The following NUP205 variants were observed in gnomAD, a reference collection of about 807,000 sequenced individuals.
NUP205 encodes the protein nuclear pore complex protein Nup205.
NUP205 carries 76 observed loss-of-function variants against 253.8 expected under a neutral mutation model. That is an observed-to-expected ratio of 0.30 (90% CI 0.25 to 0.36). The LOEUF (loss-of-function observed/expected upper bound fraction) is 0.36. Among genes scored for constraint, NUP205 ranks in the 10% least tolerant of loss-of-function variants. The pLI, the probability that NUP205 is intolerant of heterozygous loss-of-function variation, is 1.00. For missense variants in NUP205, 2,162 were observed against 2,425.5 expected (o/e 0.89, Z 2.28); for synonymous variants, 832 against 850.1 (o/e 0.98, Z 0.37).
chr7:135,631,841 C>A (rs112515975), intron 35 of NUP205, among the ~76,000 whole-genome samples: 2,156 of 151,940 alleles, frequency 0.014, 46 homozygotes, highest in African/African-American at 0.049. Flanking sequence ...GCTCCGCCTC[C>A]CCGATTCACG....
intron 1 of NUP205, among the ~76,000 whole-genome samples, chr7:135,563,745 G>T (rs1302206845): frequency 1.3e-5 from 2 of 152,044 alleles, no homozygotes; most frequent in East Asian, 3.9e-4. Flanking sequence ...AGCACTTTAG[G>T]AGGCTGAGGA....
intron 7 of NUP205, among the ~76,000 whole-genome samples, chr7:135,582,026 C>T (rs1204439579): frequency 6.6e-6 from 1 of 152,118 alleles, no homozygotes; most frequent in Admixed American, 6.5e-5. Context: ...TGGCTCATGC[C>T]TGTAATGTCA....
intron 25 of NUP205, 48 bp downstream of exon 25, chr7:135,616,774 A>T (rs1388366065): frequency 7.3e-6 from 3 of 412,796 alleles, no homozygotes; most frequent in South Asian, 4.9e-5. Context: ...GACATATATT[A>T]AAAAAAAAAA....
At chr7:135,612,703 C>CA (rs1381918118) in intron 22 of NUP205, among the ~76,000 whole-genome samples, 1 of 152,072 alleles carries the variant, frequency 6.6e-6, no homozygotes, top group African/African-American at 2.4e-5. Context: ...GGAAGCACTG[C>CA]AAGTATTGAT....
At chr7:135,598,613 T>A (rs1477761445) in intron 15 of NUP205, among the ~76,000 whole-genome samples, 1 of 152,212 alleles carries the variant, frequency 6.6e-6, no homozygotes. Context: ...GAGTACTGGT[T>A]TAGCGGGAAG....
chr7:135,645,954 A>G (rs1794999862), intron 41 of NUP205: 2 of 593,284 alleles, frequency 3.4e-6, no homozygotes, highest in Non-Finnish European at 6.0e-6. Context: ...GGTGGAAGGA[A>G]ATAGAGAAAA....
chr7:135,557,985 A>C lies in NUP205; in HGVS notation c.28+13A>C, dbSNP rs977299283. 4.4e-6 allele frequency: 7 copies of C among 1,608,878 alleles called. No homozygotes were observed. The highest frequency in any genetic ancestry group is 6.0e-6 in the Non-Finnish European group (7 of 1,175,268). Reference sequence around the variant, plus strand: ...GCGGTAAATTCGGGTAAGTGTGGCCAGACAGAAAGACGATTGAGCTGAGCG... The same window carrying C: ...GCGGTAAATTCGGGTAAGTGTGGCCCGACAGAAAGACGATTGAGCTGAGCG... On this transcript the variant is annotated intron_variant, in intron 1 of 42. Transcript: ENST00000285968.
chr7:135,564,168 C>A (rs1805677726), intron 1 of NUP205, among the ~76,000 whole-genome samples: 1 of 151,638 alleles, frequency 6.6e-6, no homozygotes, highest in Non-Finnish European at 1.5e-5. Context: ...AGCCTCTACC[C>A]TCTGAGACTC....
intron 3 of NUP205, among the ~76,000 whole-genome samples, chr7:135,575,053 A>G (rs563442189): frequency 2.0e-4 from 30 of 152,340 alleles, no homozygotes; most frequent in African/African-American, 7.0e-4. Flanking sequence ...TGTGCCAGGC[A>G]TGGTGTTAAT....
At position 135,637,303 on chromosome 7, in the gene NUP205, C is replaced by T. The variant is rs74632423; in HGVS notation, c.5137-628C>T. 5.5e-3 allele frequency among the ~76,000 whole-genome samples: 845 copies of T among 152,316 alleles called. 12 individuals carry two copies. The highest frequency in any genetic ancestry group is 0.051 in the East Asian group (264 of 5,180). On this transcript the variant is annotated intron_variant, in intron 36 of 42. Coordinates refer to ENST00000285968, the MANE Select transcript of NUP205 (RefSeq NM_015135.3). ...TTGTACCTGTTATTGGAACCCATGT[C>T]TCTAATTTGAAAGCCATCGGCTAAC...
chr7:135,615,969 A>G lies in NUP205; in HGVS notation c.3364A>G (p.Ile1122Val), dbSNP rs138374976. ...GTCATGGCTTATGAAAACTGCCTCA[A>G]TAGAGCTAAGGGTAACCTCTCTGAA... ...QMSWLMKTAS[I>V]ELRVTSLNRQ... is the part of the protein sequence containing the mutation. The change falls in exon 24 of 43, where the codon ATA (isoleucine) becomes GTA (valine). Residue 1122 changes from isoleucine to valine, a missense_variant. By Grantham distance (29) the Ile-to-Val change is conservative (BLOSUM62 3). Transcript: ENST00000285968. 9.3e-6 allele frequency: 15 copies of G among 1,613,602 alleles called. No homozygotes were observed. The highest frequency in any genetic ancestry group is 8.0e-5 in the African/African-American group (6 of 74,906).
At position 135,587,973 on chromosome 7, in the gene NUP205, A is replaced by C. The variant is rs751850797; in HGVS notation, c.1454A>C (p.Gln485Pro). The change falls in exon 10 of 43, where the codon CAG becomes CCG. Residue 485 changes from glutamine (Q) to proline (P), a missense_variant. Gln to Pro is a moderately conservative substitution (Grantham distance 76). Around this residue, in one of 5 missense-constraint regions of NUP205, gnomAD observed 892 missense variants for 957.1 expected, o/e 0.93. Coordinates refer to ENST00000285968, the MANE Select transcript of NUP205 (RefSeq NM_015135.3). Reference sequence around the variant, plus strand: ...GGCTCTTATCTAGGGGTGGCTCATCAGCGGCCCCCTCAACGCCAGGTGAGT... The same window carrying C: ...GGCTCTTATCTAGGGGTGGCTCATCCGCGGCCCCCTCAACGCCAGGTGAGT... ...IMGSYLGVAHQRPPQRQVVLS... is the reference protein window; with the variant it reads ...IMGSYLGVAHPRPPQRQVVLS... The C allele has an allele frequency of 1.9e-6, 3 of 1,613,344 alleles. No individual in the cohort carries two copies. In the South Asian group the frequency reaches 3.3e-5, roughly 18 times the overall value.
chr7:135,576,884 A>G (rs111587302), intron 4 of NUP205, 85 bp from the exon 5 acceptor site: 19 of 1,353,092 alleles, frequency 1.4e-5, no homozygotes, highest in African/African-American at 4.4e-5. Flanking sequence ...CCTGTCTCAA[A>G]AAAAGAGCGT....
chr7:135,583,909 G>T (rs6975805), intron 7 of NUP205, among the ~76,000 whole-genome samples: 147,691 of 150,090 alleles, frequency 0.98, 72,706 homozygotes, highest in Middle Eastern at 1. Context: ...TGGCGTGATC[G>T]TGGCTTACCG....
At chr7:135,583,063 C>G (rs2129489987) in intron 7 of NUP205, among the ~76,000 whole-genome samples, 1 of 152,240 alleles carries the variant, frequency 6.6e-6, no homozygotes, top group South Asian at 2.1e-4. Flanking sequence ...GCACTCCAGT[C>G]TCGGCGACAG....
intron 17 of NUP205, 74 bp downstream of exon 17, chr7:135,601,581 A>G (rs1793966077): frequency 2.0e-6 from 3 of 1,478,252 alleles, no homozygotes; most frequent in Non-Finnish European, 1.8e-6. Flanking sequence ...AGAATTTGAA[A>G]TAGATGATCT....
intron 7 of NUP205, among the ~76,000 whole-genome samples, chr7:135,581,306 G>A (rs923355042): frequency 6.6e-6 from 1 of 152,202 alleles, no homozygotes; most frequent in Non-Finnish European, 1.5e-5. Flanking sequence ...CATTTTGGGA[G>A]GCCAAGGTGG....
rs116588642 is a variant in NUP205, at chr7:135,559,701, C to G, written c.28+1729C>G. ...ATTTATTTTCCTTTTTTTTTTTTTT[C>G]TTTTTTTGAGATGGAGTCTCATCCT... On this transcript the variant is annotated intron_variant, in intron 1 of 42. Coordinates refer to ENST00000285968, the MANE Select transcript of NUP205 (RefSeq NM_015135.3). 3.1e-5 allele frequency among the ~76,000 whole-genome samples: 3 copies of G among 95,408 alleles called. No individual in the cohort carries two copies. The Admixed American group carries it at 3.5e-4, about 11-fold the overall frequency. 62.6% of individuals were successfully genotyped at this position (95,408 alleles called of 152,430 possible).
At chr7:135,587,309 C>A (rs2129490134) in intron 8 of NUP205, among the ~76,000 whole-genome samples, 1 of 152,178 alleles carries the variant, frequency 6.6e-6, no homozygotes, top group East Asian at 1.9e-4. Context: ...GCCCAAATGT[C>A]AGTAATGTCC....
Sources: allele counts gnomAD v4.1 joint callset (sites outside exome capture counted in the v4.1 genomes callset), GRCh38; gene constraint gnomAD v4.1.1; regional missense constraint gnomAD v4.1.1; transcripts MANE v1.5; gene names NCBI Gene and HGNC (gene_info 2026-07-23, HGNC 2026-07-21).